PAPOLA: variants seen among roughly 807,000 people sequenced by gnomAD.
PAPOLA encodes poly(A) polymerase alpha.
Under a neutral mutation model 100.6 loss-of-function variants are expected in PAPOLA, and 15 were observed. That is an observed-to-expected ratio of 0.15 (90% CI 0.10 to 0.23). PAPOLA has a LOEUF of 0.23. PAPOLA is among the 10% of genes least tolerant of loss of function. The pLI, the probability that PAPOLA is intolerant of heterozygous loss-of-function variation, is 1.00. For synonymous variants in PAPOLA, 293 were observed against 300.0 expected, an observed-to-expected ratio of 0.98 and a Z score of 0.24; for missense variants, 533 against 884.2, an observed-to-expected ratio of 0.60 and a Z score of 5.04.
intron 6 of PAPOLA, among the ~76,000 whole-genome samples, chr14:96,529,539 G>A (rs542630309): frequency 1.5e-5 from 2 of 136,838 alleles, no homozygotes; most frequent in African/African-American, 6.3e-5. Context: ...TGGCCAACAC[G>A]TTGAAACCCT....
intron 19 of PAPOLA, among the ~76,000 whole-genome samples, chr14:96,557,620 A>G (rs1901456178): frequency 6.6e-6 from 1 of 151,380 alleles, no homozygotes; most frequent in African/African-American, 2.4e-5. Flanking sequence ...CTACAACACA[A>G]TTTCTTTAGA....
chr14:96,537,280 A>G, intron 12 of PAPOLA: 1 of 526,150 alleles, frequency 1.9e-6, no homozygotes, highest in Middle Eastern at 5.2e-4. Flanking sequence ...AACTCCTGCT[A>G]CATTTGTAGC....
chr14:96,534,332 TTTGAG>T (rs1441358042), intron 9 of PAPOLA, 154 bp from the exon 10 acceptor site: 2 of 1,378,898 alleles, frequency 1.5e-6, no homozygotes, highest in African/African-American at 2.9e-5. Flanking sequence ...AGAAAAAGAT[TTTGAG>T]TAGTCTAATG....
At chr14:96,564,215 A>G (rs1403223871) in intron 21 of PAPOLA, among the ~76,000 whole-genome samples, 2 of 152,120 alleles carry the variant, frequency 1.3e-5, no homozygotes, top group Non-Finnish European at 2.9e-5. Flanking sequence ...AGATGAAATG[A>G]TAAGATCTCT....
At chr14:96,562,072 T>C (rs1901897883) in intron 20 of PAPOLA, among the ~76,000 whole-genome samples, 1 of 152,078 alleles carries the variant, frequency 6.6e-6, no homozygotes, top group Non-Finnish European at 1.5e-5. Flanking sequence ...TTTTGTATTT[T>C]TAGTAGAGAT....
chr14:96,516,373 CCTCT>C (rs1897463523), intron 1 of PAPOLA, among the ~76,000 whole-genome samples: 1 of 151,276 alleles, frequency 6.6e-6, no homozygotes, highest in Non-Finnish European at 1.5e-5. Context: ...TCATTCTCTC[CCTCT>C]CTTTCTTCCT....
At chr14:96,503,250 G>C (rs1896452970) in intron 1 of PAPOLA, among the ~76,000 whole-genome samples, 1 of 152,236 alleles carries the variant, frequency 6.6e-6, no homozygotes, top group African/African-American at 2.4e-5. Flanking sequence ...GCACTTCACA[G>C]GGTGCCCTCC....
Position 96,565,840 on chromosome 14 carries a change from A to G in PAPOLA, c.*790A>G, listed in dbSNP as rs565196687. 1.6e-4 allele frequency: 64 copies of G among 397,228 alleles called. No homozygotes were observed. The highest frequency in any genetic ancestry group is 2.1e-4 in the Non-Finnish European group (48 of 224,918). The allele number at this position is 397,228 out of a possible 1,614,324, so 24.6% of individuals were successfully genotyped here. A position where few individuals can be genotyped will look rare whatever the true frequency, so the allele number is the denominator to read the frequency against. The stretch of plus-strand genomic sequence containing the variant: ...GTTGTCTTCAAAACAAACAAACAAA[A>G]AAAGCTTCTTGCGCCTTTCCCTCCC... On this transcript the variant is annotated 3_prime_UTR_variant, in exon 22 of 22. Transcript: ENST00000216277.
Position 96,521,004 on chromosome 14 carries a change from A to T in PAPOLA, c.183-2A>T. ...CTTGATTGATAATTGTTTTATCAAC[A>T]GGATTTTAATTTTGGGAAAACTAAA... is the stretch of plus-strand genomic sequence containing the variant. On this transcript the variant is annotated splice_acceptor_variant, in intron 2 of 21. Transcript: ENST00000216277. LOFTEE classifies it high-confidence loss of function. The T allele has an allele frequency of 7.2e-7, 1 of 1,398,392 alleles. No homozygotes were observed. The highest frequency in any genetic ancestry group is 1.0e-6 in the Non-Finnish European group (1 of 983,794). 86.6% of individuals were successfully genotyped at this position (1,398,392 alleles called of 1,614,324 possible). A position where few individuals can be genotyped will look rare whatever the true frequency, so the allele number is the denominator to read the frequency against.
chr14:96,517,733 T>G (rs1334215569), intron 1 of PAPOLA, among the ~76,000 whole-genome samples: 1 of 151,060 alleles, frequency 6.6e-6, no homozygotes, highest in African/African-American at 2.4e-5. Context: ...AGATGGAGTT[T>G]TGCTCTGTTG....
At chr14:96,529,044 A>G (rs1898757535) in intron 6 of PAPOLA, among the ~76,000 whole-genome samples, 1 of 152,234 alleles carries the variant, frequency 6.6e-6, no homozygotes. Context: ...ACTTTACAGG[A>G]TCAAGATGGA....
chr14:96,565,137 C>A lies in PAPOLA; in HGVS notation c.*87C>A. 1.3e-6 allele frequency: 1 copy of A among 759,410 alleles called. No individual in the cohort carries two copies. Among genetic ancestry groups the A allele is most frequent in the Non-Finnish European group, 2.4e-6 (1 of 424,626 alleles). 47.0% of individuals were successfully genotyped at this position (759,410 alleles called of 1,614,324 possible). A position where few individuals can be genotyped will look rare whatever the true frequency, so the allele number is the denominator to read the frequency against. ...AAAAAGGAGAATGGAGGGTACAAGA[C>A]TAGACATGACTGAAATGGATTTGGG... On this transcript the variant is annotated 3_prime_UTR_variant, in exon 22 of 22. Transcript: ENST00000216277.
At position 96,532,979 on chromosome 14, in the gene PAPOLA, T is replaced by G. The variant is rs956187205; in HGVS notation, c.836+330T>G. 17 of 1,013,864 alleles carry G rather than the reference T, an allele frequency of 1.7e-5. No individual in the cohort carries two copies. In the Admixed American group the frequency reaches 3.3e-4, roughly 19 times the overall value. 62.8% of individuals were successfully genotyped at this position (1,013,864 alleles called of 1,614,324 possible). On this transcript the variant is annotated intron_variant, in intron 9 of 21. Coordinates refer to ENST00000216277, the MANE Select transcript of PAPOLA (RefSeq NM_032632.5). ...ACTTTTGGATAAAACTTGTACACAC[T>G]ACCTCTTTCACTCTTTTAATTCTCT...
At chr14:96,544,945 A>G (rs1248067107) in intron 15 of PAPOLA, among the ~76,000 whole-genome samples, 1 of 152,076 alleles carries the variant, frequency 6.6e-6, no homozygotes, top group Non-Finnish European at 1.5e-5. Flanking sequence ...ATTTTAACCA[A>G]AGACCAAATG....
At chr14:96,558,445 C>T (rs1435785083) in intron 19 of PAPOLA, among the ~76,000 whole-genome samples, 1 of 152,128 alleles carries the variant, frequency 6.6e-6, no homozygotes, top group African/African-American at 2.4e-5. Context: ...TTAAAAATGG[C>T]ACCCTAAGAG....
At chr14:96,532,173 T>C in intron 7 of PAPOLA, 158 bp from the exon 8 acceptor site, 2 of 1,403,658 alleles carry the variant, frequency 1.4e-6, no homozygotes, top group South Asian at 3.4e-5. Context: ...CTTTACTGGT[T>C]CTACCAAATA....
At chr14:96,544,926 A>G (rs191479618) in intron 15 of PAPOLA, among the ~76,000 whole-genome samples, 2 of 152,182 alleles carry the variant, frequency 1.3e-5, no homozygotes, top group Admixed American at 1.3e-4. Context: ...CTAAGATGAA[A>G]GGTAGTTCAT....
At chr14:96,502,852 C>T (rs1272691527) in intron 1 of PAPOLA, 3 of 422,712 alleles carry the variant, frequency 7.1e-6, no homozygotes, top group Non-Finnish European at 1.3e-5. Context: ...CCTTCCCCTT[C>T]CGGAATTGCT....
At chr14:96,522,116 C>CTTT (rs754167531) in intron 3 of PAPOLA, among the ~76,000 whole-genome samples, 238 of 57,784 alleles carry the variant, frequency 4.1e-3, no homozygotes, top group African/African-American at 5.4e-3. Context: ...TTCTTTCTTT[C>CTTT]TTTTTTTTTT....
Sources: gnomAD v4.1 joint callset for allele counts (sites outside exome capture counted in the v4.1 genomes callset) on GRCh38, gnomAD v4.1.1 for gene constraint, MANE v1.5 for transcripts, NCBI Gene and HGNC (gene_info 2026-07-23, HGNC 2026-07-21) for gene names.